The following COL10A1 variants were observed in gnomAD, a reference collection of about 807,000 sequenced individuals.
COL10A1 encodes collagen alpha-1(X) chain.
A neutral mutation model predicts 18.2 loss-of-function variants in COL10A1; 10 were observed. The observed-to-expected ratio is 0.55, with a 90% CI of 0.34 to 0.93. The LOEUF is 0.93. Among genes scored for constraint, COL10A1 ranks in the 40% least tolerant of loss-of-function variants. COL10A1 has a pLI of 0.02. For synonymous variants in COL10A1, 330 were observed against 316.6 expected (o/e 1.04, Z -0.45); for missense variants, 897 against 853.5 (o/e 1.05, Z -0.64).
At chr6:116,172,759 T>C in the COL10A1 span, among the ~76,000 whole-genome samples, 1 of 152,246 alleles carries the variant, frequency 6.6e-6, no homozygotes, top group African/African-American at 2.4e-5. Context: ...CTTTATGTAC[T>C]CAGGCATCAA....
chr6:116,120,968 C>T lies in COL10A1; in HGVS notation c.1148G>A (p.Gly383Glu). Reference sequence around the variant, plus strand: ...TGGGTACCCTGGTTTTCCATCTGACCCAGGGGAACCCCTTTCACCCTTAGC... The same window carrying T: ...TGGGTACCCTGGTTTTCCATCTGACTCAGGGGAACCCCTTTCACCCTTAGC... The part of the protein sequence containing the change: ...PGAKGERGSP[G>E]SDGKPGYPGK... Residue 383 changes from glycine (G) to glutamate (E), a missense_variant, in exon 3 of 3, where the codon GGG becomes GAG. Transcript: ENST00000651968. The T allele has an allele frequency of 6.2e-7, 1 of 1,613,962 alleles. No homozygotes were observed. The highest frequency in any genetic ancestry group is 8.5e-7 in the Non-Finnish European group (1 of 1,179,902).
At chr6:116,213,218 G>A in the COL10A1 span, among the ~76,000 whole-genome samples, 3 of 152,040 alleles carry the variant, frequency 2.0e-5, no homozygotes, top group African/African-American at 7.2e-5. Context: ...AGATGTCAGT[G>A]GGGACAGTAG....
At chr6:116,146,807 G>T (rs1779909271) in intron 1 of COL10A1, among the ~76,000 whole-genome samples, 1 of 151,782 alleles carries the variant, frequency 6.6e-6, no homozygotes, top group South Asian at 2.1e-4. Flanking sequence ...TCAGATCAGT[G>T]GAAGACAGAT....
At chr6:116,181,076 C>T in the COL10A1 span, among the ~76,000 whole-genome samples, 1 of 151,770 alleles carries the variant, frequency 6.6e-6, no homozygotes, top group Non-Finnish European at 1.5e-5. Flanking sequence ...TACTTTAAGA[C>T]AACCTAACAG....
At chr6:116,182,738 T>C in the COL10A1 span, among the ~76,000 whole-genome samples, 2 of 151,932 alleles carry the variant, frequency 1.3e-5, no homozygotes, top group African/African-American at 4.8e-5. Context: ...TGATTGTTTG[T>C]TTTTTTCTTG....
upstream of COL10A1, among the ~76,000 whole-genome samples, chr6:116,163,442 C>T (rs371623565): frequency 1.4e-3 from 217 of 151,844 alleles, 2 homozygotes; most frequent in South Asian, 0.024. Flanking sequence ...GATGATGTTT[C>T]GTATTTCTGT....
At chr6:116,145,446 T>C (rs112522168) in intron 1 of COL10A1, 11 of 387,400 alleles carry the variant, frequency 2.8e-5, no homozygotes, top group African/African-American at 1.2e-4. Flanking sequence ...AGTAAGAAGA[T>C]TGGCCACATC....
chr6:116,155,777 G>C (rs544794216), intron 1 of COL10A1, among the ~76,000 whole-genome samples: 1 of 151,082 alleles, frequency 6.6e-6, no homozygotes, highest in Non-Finnish European at 1.5e-5. Flanking sequence ...AAAAAAGAGG[G>C]AGGAAGTTGT....
chr6:116,203,577 G>A, the COL10A1 span, among the ~76,000 whole-genome samples: 2 of 147,334 alleles, frequency 1.4e-5, no homozygotes, highest in African/African-American at 2.4e-5. Flanking sequence ...TGTACAATAT[G>A]CCATTATATT....
At chr6:116,129,612 C>T (rs1251829048), upstream of COL10A1, among the ~76,000 whole-genome samples, 1 of 152,192 alleles carries the variant, frequency 6.6e-6, no homozygotes, top group Non-Finnish European at 1.5e-5. Flanking sequence ...TGAACGCTCT[C>T]TCCAGATACC....
intron 1 of COL10A1, among the ~76,000 whole-genome samples, chr6:116,158,296 T>C (rs1222076031): frequency 6.6e-6 from 1 of 152,068 alleles, no homozygotes; most frequent in African/African-American, 2.4e-5. Flanking sequence ...AGCTTTCTTG[T>C]TAGTCCTGTG....
Position 116,120,573 on chromosome 6 carries a change from G to T in COL10A1, c.1543C>A (p.Pro515Thr). 1 of 1,601,870 alleles carries T rather than the reference G, an allele frequency of 6.2e-7. No homozygotes were observed. The highest frequency in any genetic ancestry group is 8.5e-7 in the Non-Finnish European group (1 of 1,174,880). The change falls in exon 3 of 3, where the codon CCA becomes ACA. Residue 515 changes from proline (P) to threonine (T), a missense_variant. Pro to Thr is a conservative substitution (Grantham distance 38). Transcript: ENST00000651968. ...GLPGPPGPPG[P>T]PGQAVMPEGF... ...TCAGGCATGACTGCTTGACCTGGTG[G>T]GCCTGGAGGCCCAGGGGGCCCTGGA...
At chr6:116,199,170 T>C in the COL10A1 span, among the ~76,000 whole-genome samples, 1 of 152,040 alleles carries the variant, frequency 6.6e-6, no homozygotes, top group Non-Finnish European at 1.5e-5. Flanking sequence ...AAAATATCTT[T>C]CCATGAAAGA....
At chr6:116,192,447 A>G in the COL10A1 span, among the ~76,000 whole-genome samples, 1 of 152,034 alleles carries the variant, frequency 6.6e-6, no homozygotes, top group African/African-American at 2.4e-5. Context: ...GAAAATTAGT[A>G]CTAGGGTTTA....
At chr6:116,174,357 G>C in the COL10A1 span, among the ~76,000 whole-genome samples, 1 of 152,134 alleles carries the variant, frequency 6.6e-6, no homozygotes, top group Non-Finnish European at 1.5e-5. Context: ...AAATATCATA[G>C]ACATACCATT....
intron 1 of COL10A1, among the ~76,000 whole-genome samples, chr6:116,133,595 C>T (rs540510918): frequency 3.2e-4 from 48 of 152,228 alleles, no homozygotes; most frequent in African/African-American, 1.1e-3. Context: ...GATACTTATG[C>T]AGCTATTTAA....
At chr6:116,208,353 A>C in the COL10A1 span, among the ~76,000 whole-genome samples, 1 of 151,862 alleles carries the variant, frequency 6.6e-6, no homozygotes, top group Non-Finnish European at 1.5e-5. Flanking sequence ...TGAAAACAAA[A>C]CCCTCCCAAA....
the COL10A1 span, among the ~76,000 whole-genome samples, chr6:116,186,920 T>C: frequency 6.6e-6 from 1 of 152,234 alleles, no homozygotes; most frequent in Admixed American, 6.5e-5. Flanking sequence ...GCTAGTGTTA[T>C]CTTTTGGGGG....
chr6:116,145,327 G>C (rs1444854194), intron 1 of COL10A1: 1 of 230,690 alleles, frequency 4.3e-6, no homozygotes, highest in African/African-American at 2.3e-5. Context: ...CATAAGATCT[G>C]AGTTCAGTAA....
Sources: gnomAD v4.1 joint callset for allele counts (sites outside exome capture counted in the v4.1 genomes callset) on GRCh38, gnomAD v4.1.1 for gene constraint, MANE v1.5 for transcripts, NCBI Gene and HGNC (gene_info 2026-07-23, HGNC 2026-07-21) for gene names.